The following CNTLN variants were observed in gnomAD, a reference collection of about 807,000 sequenced individuals.
The protein encoded by CNTLN is centlein, centrosomal protein.
In CNTLN, 212 loss-of-function variants were observed where a neutral mutation model predicts 180.0. The observed-to-expected ratio is 1.18, with a 90% CI of 1.05 to 1.32. The LOEUF (loss-of-function observed/expected upper bound fraction) is 1.32. CNTLN is among the 40% of genes most tolerant of loss of function. The pLI is 0.00. For synonymous variants in CNTLN, 722 were observed against 563.1 expected (o/e 1.28, Z -3.99); for missense variants, 2,095 against 1,610.9 (o/e 1.30, Z -5.14).
At chr9:17,263,994 G>A (rs1000717497) in intron 5 of CNTLN, among the ~76,000 whole-genome samples, 1 of 145,522 alleles carries the variant, frequency 6.9e-6, no homozygotes, top group East Asian at 2.1e-4. Flanking sequence ...TTTGTAGGTT[G>A]CCTGTTCACT....
intron 6 of CNTLN, among the ~76,000 whole-genome samples, chr9:17,283,835 T>C (rs1828811867): frequency 6.6e-6 from 1 of 152,172 alleles, no homozygotes; most frequent in Admixed American, 6.5e-5. Context: ...AGGCCTTTTC[T>C]GTGTCTATTG....
intron 5 of CNTLN, among the ~76,000 whole-genome samples, chr9:17,254,574 T>G (rs946763384): frequency 6.4e-4 from 97 of 151,724 alleles, no homozygotes; most frequent in Admixed American, 3.0e-3. Flanking sequence ...TAGTCATCAG[T>G]TGGTCTTGGT....
chr9:17,287,000 C>G (rs1319485268), intron 6 of CNTLN, among the ~76,000 whole-genome samples: 617 of 98,512 alleles, frequency 6.3e-3, no homozygotes, highest in East Asian at 0.013. Context: ...CCCTTTATTT[C>G]CTTCTCCTGC....
intron 13 of CNTLN, among the ~76,000 whole-genome samples, chr9:17,377,872 A>G (rs570112031): frequency 1.3e-5 from 2 of 152,326 alleles, no homozygotes; most frequent in African/African-American, 2.4e-5. Context: ...TCAACTTGAT[A>G]TTCAAAAACT....
At chr9:17,446,952 T>G (rs1009678199) in intron 18 of CNTLN, among the ~76,000 whole-genome samples, 1 of 152,236 alleles carries the variant, frequency 6.6e-6, no homozygotes, top group Non-Finnish European at 1.5e-5. Flanking sequence ...CTGTTTCTGA[T>G]AACTCAGTCA....
intron 2 of CNTLN, among the ~76,000 whole-genome samples, chr9:17,178,791 G>A (rs1235447766): frequency 6.6e-6 from 1 of 152,104 alleles, no homozygotes; most frequent in Admixed American, 6.5e-5. Context: ...TCAAGCTGAG[G>A]GAGTCAGCTC....
At chr9:17,502,158 C>A (rs1299933032) in intron 25 of CNTLN, among the ~76,000 whole-genome samples, 2 of 152,120 alleles carry the variant, frequency 1.3e-5, no homozygotes, top group Non-Finnish European at 2.9e-5. Flanking sequence ...GGTTCTCTCT[C>A]ATTCTTTTAT....
chr9:17,211,922 C>A (rs996679541), intron 2 of CNTLN, among the ~76,000 whole-genome samples: 1 of 152,156 alleles, frequency 6.6e-6, no homozygotes, highest in Non-Finnish European at 1.5e-5. Flanking sequence ...TGAGACTTTG[C>A]TCAAGTTGCT....
chr9:17,163,857 G>T (rs1179009646), intron 2 of CNTLN, among the ~76,000 whole-genome samples: 1 of 148,988 alleles, frequency 6.7e-6, no homozygotes, highest in Non-Finnish European at 1.5e-5. Context: ...GTGAAACCCT[G>T]TCTCTACAAA....
Position 17,487,002 on chromosome 9 carries a change from C to A in CNTLN, c.4055C>A (p.Thr1352Lys). ...DTEDQVEIEK[T>K]KIDAENDKEW... ...TTTTTTCTTCAGGAAATTGAAAAAA[C>A]AAAAATTGATGCTGAAAATGACAAG... is the stretch of plus-strand genomic sequence containing the variant. The change falls in exon 25 of 26, where the codon ACA becomes AAA. Residue 1352 changes from threonine (T) to lysine (K), a missense_variant. Coordinates refer to ENST00000380647, the MANE Select transcript of CNTLN (RefSeq NM_017738.4). 3 of 1,573,498 alleles carry A rather than the reference C, an allele frequency of 1.9e-6. No homozygotes were observed. Among genetic ancestry groups the A allele is most frequent in the African/African-American group, 1.4e-5 (1 of 72,106 alleles).
intron 23 of CNTLN, among the ~76,000 whole-genome samples, chr9:17,483,936 A>T (rs75594801): frequency 6.6e-6 from 1 of 152,184 alleles, no homozygotes; most frequent in African/African-American, 2.4e-5. Flanking sequence ...ATATATGCAC[A>T]TTGTGGAATA....
intron 13 of CNTLN, among the ~76,000 whole-genome samples, chr9:17,384,067 A>G (rs1825485425): frequency 6.6e-6 from 1 of 152,214 alleles, no homozygotes; most frequent in Admixed American, 6.5e-5. Flanking sequence ...TAAACAGTCT[A>G]AAATATTTTA....
rs1410739075 is a variant in CNTLN, at chr9:17,388,985, T to C, written c.2079+732T>C. Reference sequence around the variant, plus strand: ...TTTAAATAGTTTGTTCTTGTGATTGTCATTTGGCTACATTAGATTGATTTT... The same window carrying C: ...TTTAAATAGTTTGTTCTTGTGATTGCCATTTGGCTACATTAGATTGATTTT... On this transcript the variant is annotated intron_variant, in intron 14 of 25. Transcript: ENST00000380647. 3.3e-5 allele frequency among the ~76,000 whole-genome samples: 5 copies of C among 152,118 alleles called. 1 individual carries two copies. In the East Asian group the frequency reaches 7.7e-4, roughly 23 times the overall value.
At chr9:17,333,849 G>A (rs1190066995) in intron 10 of CNTLN, among the ~76,000 whole-genome samples, 1 of 152,136 alleles carries the variant, frequency 6.6e-6, no homozygotes, top group Non-Finnish European at 1.5e-5. Context: ...TTCCTCAATA[G>A]CAATTACTGA....
the CNTLN span, among the ~76,000 whole-genome samples, chr9:17,521,679 T>C: frequency 6.6e-6 from 1 of 152,152 alleles, no homozygotes; most frequent in Non-Finnish European, 1.5e-5. Flanking sequence ...AATTCACAAC[T>C]TTGCAGGTGA....
rs890593321 is a variant in CNTLN at position 17,259,938 on chromosome 9, A to G, written c.850-13795A>G. On this transcript the variant is annotated intron_variant, in intron 5 of 25. Transcript: ENST00000380647. ...TTTCAAAAAACCAGCTCCTGGATTC[A>G]TTAATTTTTTGAAGGGTTTTTTGTG... 2.9e-5 allele frequency among the ~76,000 whole-genome samples: 4 copies of G among 136,438 alleles called. 1 individual carries two copies. Among genetic ancestry groups the G allele is most frequent in the African/African-American group, 1.2e-4 (4 of 32,372 alleles). 89.5% of individuals were successfully genotyped at this position (136,438 alleles called of 152,430 possible). A position where few individuals can be genotyped will look rare whatever the true frequency, so the allele number is the denominator to read the frequency against.
At chr9:17,458,022 C>G (rs935901363) in intron 19 of CNTLN, among the ~76,000 whole-genome samples, 2 of 151,886 alleles carry the variant, frequency 1.3e-5, no homozygotes, top group African/African-American at 2.4e-5. Context: ...GAACAGAATC[C>G]TTTCAGGCAT....
intron 25 of CNTLN, among the ~76,000 whole-genome samples, chr9:17,500,583 G>A (rs571496855): frequency 1.3e-5 from 2 of 152,254 alleles, no homozygotes; most frequent in South Asian, 4.1e-4. Context: ...TTTAGAAATA[G>A]GATATTATAT....
chr9:17,334,715 C>G (rs942518239), intron 10 of CNTLN, among the ~76,000 whole-genome samples: 1 of 151,808 alleles, frequency 6.6e-6, no homozygotes, highest in Non-Finnish European at 1.5e-5. Context: ...GGGGCTAAAC[C>G]TGAGTACACA....
Sources: gnomAD v4.1 joint callset for allele counts (sites outside exome capture counted in the v4.1 genomes callset) on GRCh38, gnomAD v4.1.1 for gene constraint, MANE v1.5 for transcripts, NCBI Gene and HGNC (gene_info 2026-07-23, HGNC 2026-07-21) for gene names.